The following FGGY variants were observed in gnomAD, a reference collection of about 807,000 sequenced individuals.
FGGY encodes the protein FGGY carbohydrate kinase domain containing, also known as FGGY carbohydrate kinase domain-containing protein.
Under a neutral mutation model 71.3 loss-of-function variants are expected in FGGY, and 72 were observed. That is an observed-to-expected ratio of 1.01 (90% CI 0.84 to 1.23). The LOEUF (loss-of-function observed/expected upper bound fraction) is 1.23. FGGY is among the 50% of genes most tolerant of loss of function. The pLI, the probability that FGGY is intolerant of heterozygous loss-of-function variation, is 0.00. For missense variants in FGGY, 668 were observed against 682.3 expected (o/e 0.98, Z 0.23); for synonymous variants, 251 against 250.3 (o/e 1.00, Z -0.02).
chr1:59,660,967 T>A (rs993040008), intron 12 of FGGY, among the ~76,000 whole-genome samples: 2 of 152,180 alleles, frequency 1.3e-5, no homozygotes, highest in Non-Finnish European at 2.9e-5. Context: ...ACAAAGTGCA[T>A]TTTAGGAGAG....
At chr1:59,574,849 A>C (rs1245902909) in intron 8 of FGGY, among the ~76,000 whole-genome samples, 1 of 152,158 alleles carries the variant, frequency 6.6e-6, no homozygotes, top group Non-Finnish European at 1.5e-5. Context: ...AAAGAAGCAA[A>C]GTTTTATACA....
chr1:59,515,448 T>G (rs1376862386), intron 7 of FGGY, among the ~76,000 whole-genome samples: 1 of 152,156 alleles, frequency 6.6e-6, no homozygotes, highest in African/African-American at 2.4e-5. Context: ...GAGTAAAGAC[T>G]TTGGGGGACT....
chr1:59,762,128 C>A (rs2098346701), intron 15 of FGGY, among the ~76,000 whole-genome samples: 1 of 150,006 alleles, frequency 6.7e-6, no homozygotes, highest in Admixed American at 6.6e-5. Context: ...CGAAGTGGTG[C>A]AACTCAACCA....
At chr1:59,498,618 G>A (rs2094123414) in intron 6 of FGGY, among the ~76,000 whole-genome samples, 1 of 152,086 alleles carries the variant, frequency 6.6e-6, no homozygotes. Flanking sequence ...GTAGGTCTAG[G>A]GTGGGGACTG....
At chr1:59,478,283 C>T (rs1324412825) in intron 6 of FGGY, among the ~76,000 whole-genome samples, 1 of 152,208 alleles carries the variant, frequency 6.6e-6, no homozygotes, top group Non-Finnish European at 1.5e-5. Flanking sequence ...TGTGGAGTAA[C>T]TGTCAAGATA....
At chr1:59,545,886 A>C (rs2095512346) in intron 7 of FGGY, among the ~76,000 whole-genome samples, 1 of 152,180 alleles carries the variant, frequency 6.6e-6, no homozygotes, top group Non-Finnish European at 1.5e-5. Context: ...GTTTATTCTT[A>C]ATGTTTAAAA....
At chr1:59,620,109 C>T (rs1028951993) in intron 9 of FGGY, among the ~76,000 whole-genome samples, 5 of 152,002 alleles carry the variant, frequency 3.3e-5, no homozygotes, top group Non-Finnish European at 7.4e-5. Flanking sequence ...TCAAGAATTA[C>T]TACGTTTTCT....
chr1:59,458,063 G>T (rs2091883296), intron 6 of FGGY, among the ~76,000 whole-genome samples: 4 of 152,190 alleles, frequency 2.6e-5, no homozygotes, highest in Admixed American at 2.0e-4. Flanking sequence ...GGTAAGTCAG[G>T]ATCGAAATTC....
chr1:59,657,974 T>A (rs1022532220), intron 11 of FGGY, among the ~76,000 whole-genome samples: 7 of 152,150 alleles, frequency 4.6e-5, no homozygotes, highest in African/African-American at 1.7e-4. Context: ...ACTTGTAGAA[T>A]TTAACAAAGA....
intron 8 of FGGY, among the ~76,000 whole-genome samples, chr1:59,591,506 A>AG (rs369950249): frequency 0.12 from 18,710 of 151,948 alleles, 1,328 homozygotes; most frequent in South Asian, 0.3. Flanking sequence ...AAAAGAACAA[A>AG]CTGGAGGCAT....
chr1:59,646,797 G>A (rs534650695), intron 11 of FGGY, among the ~76,000 whole-genome samples: 25 of 152,120 alleles, frequency 1.6e-4, no homozygotes, highest in Middle Eastern at 3.2e-3. Context: ...AAGGGTATAA[G>A]TGGAACGGGA....
At chr1:59,316,126 T>C (rs2045414423) in intron 1 of FGGY, 1 of 152,214 alleles carries the variant, frequency 6.6e-6, no homozygotes, top group Non-Finnish European at 1.5e-5. Context: ...ATTGTTCATC[T>C]TTTTTCTTCC....
intron 5 of FGGY, among the ~76,000 whole-genome samples, chr1:59,454,279 C>A (rs997403221): frequency 6.6e-6 from 1 of 152,134 alleles, no homozygotes; most frequent in Non-Finnish European, 1.5e-5. Flanking sequence ...CTGCCTTTTG[C>A]TCCCTAATAT....
intron 2 of FGGY, among the ~76,000 whole-genome samples, chr1:59,336,518 G>A (rs1426183311): frequency 7.0e-6 from 1 of 143,660 alleles, no homozygotes; most frequent in Non-Finnish European, 1.5e-5. Context: ...GGATACATGT[G>A]CAGAAAGTGC....
At chr1:59,736,283 T>C (rs921085888) in intron 14 of FGGY, among the ~76,000 whole-genome samples, 1 of 152,088 alleles carries the variant, frequency 6.6e-6, no homozygotes, top group African/African-American at 2.4e-5. Flanking sequence ...AATAGACTAA[T>C]ATAGTAAATT....
chr1:59,364,157 C>T (rs188795859), intron 4 of FGGY, among the ~76,000 whole-genome samples: 76 of 152,320 alleles, frequency 5.0e-4, no homozygotes, highest in Middle Eastern at 3.4e-3. Context: ...TGTCCCAGAG[C>T]GCTCAACATT....
chr1:59,337,995 G>A (rs549697486), intron 2 of FGGY, among the ~76,000 whole-genome samples: 1 of 152,274 alleles, frequency 6.6e-6, no homozygotes, highest in Non-Finnish European at 1.5e-5. Flanking sequence ...GGTTTTTGTA[G>A]ATGCTCCTTA....
intron 14 of FGGY, among the ~76,000 whole-genome samples, chr1:59,721,518 C>T (rs12095505): frequency 1.3e-5 from 2 of 151,192 alleles, no homozygotes; most frequent in African/African-American, 2.4e-5. Flanking sequence ...TTGTATTTTT[C>T]GTAGAGACAG....
At position 59,443,260 on chromosome 1, in the gene FGGY, C is replaced by T. The variant is rs1411770585; in HGVS notation, c.555-13701C>T. On this transcript the variant is annotated intron_variant, in intron 5 of 15. Transcript: ENST00000303721. ...GTTAAGATGATTTTTTTAGATACTC[C>T]AGAGGCCAGAATTAATCATAAAGGG... 2.0e-5 allele frequency among the ~76,000 whole-genome samples: 3 copies of T among 151,966 alleles called. No individual in the cohort carries two copies. In the East Asian group the frequency reaches 5.8e-4, roughly 29 times the overall value.
Sources: allele counts gnomAD v4.1 joint callset (sites outside exome capture counted in the v4.1 genomes callset), GRCh38; gene constraint gnomAD v4.1.1; transcripts MANE v1.5; gene names NCBI Gene and HGNC (gene_info 2026-07-23, HGNC 2026-07-21).